Variants in RPS6KC1 observed in about 807,000 individuals in gnomAD.
The protein encoded by RPS6KC1 is inactive ribosomal protein S6 kinase delta-1.
Under a neutral mutation model 103.8 loss-of-function variants are expected in RPS6KC1, and 54 were observed. That is an observed-to-expected ratio of 0.52 (90% CI 0.42 to 0.65). The LOEUF is 0.65. RPS6KC1 is among the 30% of genes least tolerant of loss of function. The pLI is 0.00. For missense variants in RPS6KC1, 1,151 were observed against 1,253.8 expected, an observed-to-expected ratio of 0.92 and a Z score of 1.24; for synonymous variants, 439 against 438.7, an observed-to-expected ratio of 1.00 and a Z score of -0.01.
the RPS6KC1 span, among the ~76,000 whole-genome samples, chr1:213,299,642 T>C: frequency 6.6e-6 from 1 of 151,838 alleles, no homozygotes; most frequent in Non-Finnish European, 1.5e-5. Flanking sequence ...AGAAATAAAG[T>C]TAATTTTAAT....
chr1:213,088,880 T>C (rs1558293297), intron 3 of RPS6KC1, among the ~76,000 whole-genome samples: 1 of 152,186 alleles, frequency 6.6e-6, no homozygotes, highest in African/African-American at 2.4e-5. Flanking sequence ...AACTTGACAC[T>C]TGCTTCCTCA....
At chr1:213,499,109 AT>A in the RPS6KC1 span, among the ~76,000 whole-genome samples, 1 of 152,158 alleles carries the variant, frequency 6.6e-6, no homozygotes, top group Admixed American at 6.5e-5. Context: ...AACATTCAGC[AT>A]CATAAACAGT....
chr1:213,494,249 C>G, the RPS6KC1 span, among the ~76,000 whole-genome samples: 1 of 152,010 alleles, frequency 6.6e-6, no homozygotes, highest in Non-Finnish European at 1.5e-5. Context: ...TCACTTTGTT[C>G]AAGGACAAGT....
At chr1:213,826,207 T>C in the RPS6KC1 span, among the ~76,000 whole-genome samples, 2 of 152,208 alleles carry the variant, frequency 1.3e-5, no homozygotes, top group East Asian at 3.8e-4. Flanking sequence ...TTTAGAATCA[T>C]AATAGAATTT....
At chr1:213,157,499 G>GC (rs2090030710) in intron 6 of RPS6KC1, among the ~76,000 whole-genome samples, 1 of 152,146 alleles carries the variant, frequency 6.6e-6, no homozygotes, top group African/African-American at 2.4e-5. Context: ...GAGCCACCAT[G>GC]CCCGGCCTTT....
the RPS6KC1 span, among the ~76,000 whole-genome samples, chr1:213,671,794 A>ACAG: frequency 6.6e-6 from 1 of 152,110 alleles, no homozygotes; most frequent in African/African-American, 2.4e-5. Flanking sequence ...AACAACAACA[A>ACAG]CAACAACAAG....
chr1:213,474,648 C>A, the RPS6KC1 span, among the ~76,000 whole-genome samples: 9 of 152,082 alleles, frequency 5.9e-5, no homozygotes, highest in Admixed American at 3.3e-4. Context: ...CTGAGCAGAG[C>A]GCATATGTAT....
At chr1:213,606,719 G>C in the RPS6KC1 span, among the ~76,000 whole-genome samples, 1 of 152,180 alleles carries the variant, frequency 6.6e-6, no homozygotes, top group African/African-American at 2.4e-5. Context: ...CGTGTGAGAT[G>C]CCCCCTGGAG....
chr1:213,334,896 A>T, the RPS6KC1 span, among the ~76,000 whole-genome samples: 2 of 152,120 alleles, frequency 1.3e-5, no homozygotes, highest in Non-Finnish European at 2.9e-5. Context: ...CTCTTTCTAT[A>T]TATGGTAACA....
intron 10 of RPS6KC1, among the ~76,000 whole-genome samples, chr1:213,238,437 A>G (rs183939710): frequency 2.0e-5 from 3 of 152,288 alleles, no homozygotes; most frequent in East Asian, 1.9e-4. Context: ...TCAAATGCCT[A>G]TGCGGAGTTG....
intron 6 of RPS6KC1, among the ~76,000 whole-genome samples, chr1:213,151,794 C>T (rs1460712704): frequency 1.5e-5 from 2 of 131,686 alleles, no homozygotes; most frequent in South Asian, 2.4e-4. Context: ...CCCCCCCCAC[C>T]TCCCTCCCGG....
the RPS6KC1 span, among the ~76,000 whole-genome samples, chr1:213,347,938 C>T: frequency 2.0e-5 from 3 of 151,942 alleles, no homozygotes; most frequent in Non-Finnish European, 4.4e-5. Context: ...TAAGCATACC[C>T]CAGGAACATC....
At chr1:213,291,819 C>G in the RPS6KC1 span, among the ~76,000 whole-genome samples, 1 of 152,310 alleles carries the variant, frequency 6.6e-6, no homozygotes, top group Admixed American at 6.5e-5. Context: ...ACCCAGCTTC[C>G]TTTCTTAAAC....
chr1:213,808,249 G>A, the RPS6KC1 span, among the ~76,000 whole-genome samples: 1 of 152,204 alleles, frequency 6.6e-6, no homozygotes, highest in African/African-American at 2.4e-5. Flanking sequence ...ACTTGAGGAG[G>A]CAGTCTGCCC....
the RPS6KC1 span, among the ~76,000 whole-genome samples, chr1:213,480,579 T>C: frequency 2.0e-5 from 3 of 152,088 alleles, no homozygotes; most frequent in African/African-American, 7.2e-5. Context: ...AATATCAGGA[T>C]ACAATTATAA....
the RPS6KC1 span, among the ~76,000 whole-genome samples, chr1:213,748,219 C>G: frequency 6.6e-5 from 10 of 152,322 alleles, no homozygotes; most frequent in East Asian, 1.9e-3. Context: ...CCCAGCCAGA[C>G]TTCAATCTCA....
chr1:213,845,678 G>A, the RPS6KC1 span, among the ~76,000 whole-genome samples: 1 of 152,124 alleles, frequency 6.6e-6, no homozygotes. Flanking sequence ...TTACCTAATC[G>A]TAATACACCT....
At chr1:213,642,816 GTT>G in the RPS6KC1 span, among the ~76,000 whole-genome samples, 1 of 151,674 alleles carries the variant, frequency 6.6e-6, no homozygotes, top group Non-Finnish European at 1.5e-5. Flanking sequence ...ATACTCTTAA[GTT>G]TATTTTCTTA....
chr1:213,616,371 C>T, the RPS6KC1 span, among the ~76,000 whole-genome samples: 1 of 152,140 alleles, frequency 6.6e-6, no homozygotes, highest in African/African-American at 2.4e-5. Flanking sequence ...ACAGCAGGAG[C>T]CTGGAGCTGG....
Sources: gnomAD v4.1 joint callset for allele counts (sites outside exome capture counted in the v4.1 genomes callset) on GRCh38, gnomAD v4.1.1 for gene constraint, MANE v1.5 for transcripts, NCBI Gene and HGNC (gene_info 2026-07-23, HGNC 2026-07-21) for gene names.